Variants in ZNF423 observed in about 807,000 individuals in gnomAD.
The protein encoded by ZNF423 is Ebf-associated zinc finger protein.
In ZNF423, 12 loss-of-function variants were observed where a neutral mutation model predicts 95.8. The ratio of observed to expected loss-of-function variants is 0.13; its 90% confidence interval spans 0.08 to 0.20. The LOEUF (loss-of-function observed/expected upper bound fraction) is 0.20, where lower values mean the gene tolerates loss of function less well. Among genes scored for constraint, ZNF423 ranks in the 10% least tolerant of loss-of-function variants. The pLI is 1.00. For missense variants in ZNF423, 1,316 were observed against 1,737.1 expected (o/e 0.76, Z 4.31); for synonymous variants, 749 against 711.9 (o/e 1.05, Z -0.83).
chr16:49,632,952 G>A (rs368389328), intron 4 of ZNF423, among the ~76,000 whole-genome samples: 1 of 152,172 alleles, frequency 6.6e-6, no homozygotes, highest in Non-Finnish European at 1.5e-5. Context: ...AGGAGAAGCG[G>A]GCACAGTGAC....
At chr16:49,685,697 C>T (rs2031538051) in intron 3 of ZNF423, among the ~76,000 whole-genome samples, 1 of 152,214 alleles carries the variant, frequency 6.6e-6, no homozygotes, top group Non-Finnish European at 1.5e-5. Flanking sequence ...TCGGTCCCCA[C>T]TGCCTGCAGC....
At chr16:49,673,524 C>G (rs1056640731) in intron 3 of ZNF423, among the ~76,000 whole-genome samples, 31 of 152,230 alleles carry the variant, frequency 2.0e-4, no homozygotes, top group Admixed American at 3.3e-4. Context: ...GCAGCTCCCA[C>G]ACTGCCCTGG....
chr16:49,842,115 G>A (rs1459288891), intron 1 of ZNF423, among the ~76,000 whole-genome samples: 2 of 150,710 alleles, frequency 1.3e-5, no homozygotes, highest in East Asian at 2.0e-4. Flanking sequence ...GCAGGCGCCT[G>A]TAATCCCAGC....
chr16:49,683,779 CA>C (rs563118742), intron 3 of ZNF423, among the ~76,000 whole-genome samples: 234 of 152,308 alleles, frequency 1.5e-3, no homozygotes, highest in South Asian at 5.6e-3. Flanking sequence ...TCTGTCTCTA[CA>C]AAAAATTTAA....
At chr16:49,606,961 CT>C (rs1971555662) in intron 5 of ZNF423, among the ~76,000 whole-genome samples, 1 of 152,112 alleles carries the variant, frequency 6.6e-6, no homozygotes, top group African/African-American at 2.4e-5. Flanking sequence ...AAGAAATGAG[CT>C]GCCCCAGGAG....
intron 3 of ZNF423, among the ~76,000 whole-genome samples, chr16:49,729,195 C>A (rs1335381342): frequency 6.6e-6 from 1 of 152,184 alleles, no homozygotes; most frequent in African/African-American, 2.4e-5. Context: ...ATGGCCTATT[C>A]TCTTGCATTT....
At chr16:49,747,122 T>A (rs913331655) in intron 2 of ZNF423, among the ~76,000 whole-genome samples, 5 of 152,186 alleles carry the variant, frequency 3.3e-5, no homozygotes, top group Non-Finnish European at 5.9e-5. Flanking sequence ...AACTCCTGTT[T>A]GTGAAAGTCC....
intron 3 of ZNF423, among the ~76,000 whole-genome samples, chr16:49,687,686 C>T (rs1272886271): frequency 3.3e-5 from 5 of 152,162 alleles, no homozygotes; most frequent in African/African-American, 7.2e-5. Context: ...CTGCATCCTC[C>T]GAGTCATGTG....
At chr16:49,543,354 G>C (rs995686494) in intron 5 of ZNF423, among the ~76,000 whole-genome samples, 3 of 152,036 alleles carry the variant, frequency 2.0e-5, no homozygotes, top group Admixed American at 1.3e-4. Context: ...GCCTCCCCAG[G>C]GGTGGCAAAT....
At chr16:49,523,574 G>C in intron 7 of ZNF423, 50 bp downstream of exon 7, 1 of 1,520,212 alleles carries the variant, frequency 6.6e-7, no homozygotes, top group Non-Finnish European at 9.1e-7. Context: ...GTGCTGACGG[G>C]GGAACCGAGG....
chr16:49,604,479 C>A (rs182504612), intron 5 of ZNF423, among the ~76,000 whole-genome samples: 1 of 152,248 alleles, frequency 6.6e-6, no homozygotes, highest in African/African-American at 2.4e-5. Context: ...TGCCACACTG[C>A]AGTTTGAGAA....
In ZNF423 at chr16:49,695,707, G is replaced by A. The variant is rs573523548; in HGVS notation, c.301+35064C>T. 4.6e-5 allele frequency among the ~76,000 whole-genome samples: 7 copies of A among 152,360 alleles called. No homozygotes were observed. In the South Asian group the frequency reaches 1.0e-3, roughly 23 times the overall value. ...CTCCCAAAGTGCCAGGATTACAGGC[G>A]TGAGCCACCGCGCCAGGCCCCTTAC... On this transcript the variant is annotated intron_variant, in intron 3 of 7. Coordinates refer to ENST00000563137, the MANE Select transcript of ZNF423 (RefSeq NM_001379286.1).
intron 5 of ZNF423, among the ~76,000 whole-genome samples, chr16:49,529,503 T>C (rs1968758298): frequency 6.6e-6 from 1 of 152,192 alleles, no homozygotes; most frequent in Admixed American, 6.5e-5. Context: ...CTGGAACCTT[T>C]CAGGCTGAAA....
At chr16:49,561,441 T>C (rs1328105983) in intron 5 of ZNF423, among the ~76,000 whole-genome samples, 4 of 152,176 alleles carry the variant, frequency 2.6e-5, no homozygotes, top group African/African-American at 4.8e-5. Flanking sequence ...AGAATACAGA[T>C]GACATGCACG....
chr16:49,831,960 G>C (rs2035065191), intron 1 of ZNF423, among the ~76,000 whole-genome samples: 2 of 151,762 alleles, frequency 1.3e-5, no homozygotes, highest in Admixed American at 6.6e-5. Flanking sequence ...CTCCAGCCTG[G>C]GTGACAGAAC....
intron 7 of ZNF423, among the ~76,000 whole-genome samples, chr16:49,502,355 C>T (rs1416968280): frequency 6.6e-6 from 1 of 152,164 alleles, no homozygotes; most frequent in Non-Finnish European, 1.5e-5. Context: ...ATCCATATGT[C>T]CTGGGTTCTG....
At chr16:49,805,703 A>G (rs554625527) in intron 1 of ZNF423, among the ~76,000 whole-genome samples, 2 of 152,348 alleles carry the variant, frequency 1.3e-5, no homozygotes, top group East Asian at 3.9e-4. Flanking sequence ...CACGTTGATC[A>G]TAAACTCCAC....
intron 1 of ZNF423, among the ~76,000 whole-genome samples, chr16:49,796,652 C>T (rs1257295857): frequency 6.6e-6 from 1 of 152,150 alleles, no homozygotes; most frequent in Non-Finnish European, 1.5e-5. Flanking sequence ...GAATGAGAGA[C>T]AAACAGAGGC....
chr16:49,752,885 T>A (rs1418412189), intron 2 of ZNF423, among the ~76,000 whole-genome samples: 1 of 152,162 alleles, frequency 6.6e-6, no homozygotes, highest in African/African-American at 2.4e-5. Context: ...CCAGGCAATG[T>A]CCTGGGCTGG....
Sources: allele counts gnomAD v4.1 joint callset (sites outside exome capture counted in the v4.1 genomes callset), GRCh38; gene constraint gnomAD v4.1.1; transcripts MANE v1.5; gene names NCBI Gene and HGNC (gene_info 2026-07-23, HGNC 2026-07-21).